GRIK4: variants seen among roughly 807,000 people sequenced by gnomAD.
GRIK4 encodes glutamate ionotropic receptor kainate type subunit 4.
Under a neutral mutation model 104.9 loss-of-function variants are expected in GRIK4, and 40 were observed. The ratio of observed to expected loss-of-function variants is 0.38; its 90% CI spans 0.30 to 0.50. GRIK4 has a LOEUF of 0.50. Among genes scored for constraint, GRIK4 ranks in the 20% least tolerant of loss-of-function variants. The pLI is 0.93. For missense variants in GRIK4, 1,047 were observed against 1,308.1 expected, an observed-to-expected ratio of 0.80 and a Z score of 3.08; for synonymous variants, 485 against 524.9, an observed-to-expected ratio of 0.92 and a Z score of 1.04.
chr11:120,917,135 T>A (rs547005280), intron 13 of GRIK4, among the ~76,000 whole-genome samples: 2 of 150,290 alleles, frequency 1.3e-5, no homozygotes, highest in Admixed American at 1.3e-4. Context: ...TAATCCCAGC[T>A]ACTCAGGAGG....
intron 3 of GRIK4, among the ~76,000 whole-genome samples, chr11:120,752,179 G>A (rs188126410): frequency 7.1e-4 from 108 of 152,270 alleles, no homozygotes; most frequent in African/African-American, 2.4e-3. Context: ...CAGGGCAACC[G>A]GGGCCTGCCC....
chr11:120,580,958 C>T (rs759001490), intron 1 of GRIK4, among the ~76,000 whole-genome samples: 3 of 152,142 alleles, frequency 2.0e-5, no homozygotes, highest in Non-Finnish European at 4.4e-5. Context: ...AATTTTGTTT[C>T]TCCGTTTTAT....
rs147161142 is a variant in GRIK4 at position 120,692,654 on chromosome 11, C to T, written c.82+32254C>T. The stretch of plus-strand genomic sequence containing the variant: ...CAAGGAGGACAGACAGTCGGGAAGA[C>T]GAGACTGGAGAGGAACCCAAACGAT... On this transcript the variant is annotated intron_variant, in intron 3 of 20. Transcript: ENST00000527524. Among the ~76,000 whole-genome samples the T allele has an allele frequency of 1.6e-3, 236 of 152,222 alleles. 1 individual carries two copies. Among genetic ancestry groups the T allele is most frequent in the Middle Eastern group, 6.8e-3 (2 of 294 alleles).
At chr11:120,663,754 C>T (rs549940884) in intron 3 of GRIK4, among the ~76,000 whole-genome samples, 19 of 152,282 alleles carry the variant, frequency 1.2e-4, no homozygotes, top group Non-Finnish European at 2.1e-4. Context: ...CTCTTCCTCC[C>T]GTTTCATCTT....
intron 13 of GRIK4, among the ~76,000 whole-genome samples, chr11:120,931,009 A>G (rs1943470670): frequency 6.6e-6 from 1 of 152,180 alleles, no homozygotes; most frequent in Non-Finnish European, 1.5e-5. Context: ...TATTCCAGGT[A>G]ATGTGTTTTG....
At chr11:120,728,572 G>A (rs978016808) in intron 3 of GRIK4, among the ~76,000 whole-genome samples, 8 of 152,102 alleles carry the variant, frequency 5.3e-5, no homozygotes, top group Admixed American at 5.2e-4. Flanking sequence ...GATGGTATAT[G>A]CAAAACATTT....
chr11:120,666,439 G>A (rs751920180), intron 3 of GRIK4, among the ~76,000 whole-genome samples: 4 of 152,214 alleles, frequency 2.6e-5, no homozygotes, highest in East Asian at 1.9e-4. Flanking sequence ...GTGTGGCGAC[G>A]CCTGGGGGCT....
At chr11:120,892,980 G>A (rs7103215) in intron 11 of GRIK4, among the ~76,000 whole-genome samples, 3,617 of 152,304 alleles carry the variant, frequency 0.024, 139 homozygotes, top group African/African-American at 0.08. Context: ...CAGACACTAC[G>A]AGAAAGCAGA....
At chr11:120,855,477 A>T (rs961420274) in intron 8 of GRIK4, among the ~76,000 whole-genome samples, 12 of 152,118 alleles carry the variant, frequency 7.9e-5, no homozygotes, top group African/African-American at 2.7e-4. Flanking sequence ...TCTTGTGATT[A>T]TTCATGGTTG....
chr11:120,646,832 T>G (rs1949550682), intron 1 of GRIK4, among the ~76,000 whole-genome samples: 1 of 152,204 alleles, frequency 6.6e-6, no homozygotes, highest in African/African-American at 2.4e-5. Flanking sequence ...AAACCTTCCT[T>G]AATTCTCACT....
intron 13 of GRIK4, among the ~76,000 whole-genome samples, chr11:120,923,108 C>T (rs901284343): frequency 2.0e-5 from 3 of 152,252 alleles, no homozygotes; most frequent in Non-Finnish European, 2.9e-5. Context: ...AACAGTGGGA[C>T]ACAGGTGGGA....
rs372497053 is a variant in GRIK4, at chr11:120,982,107, C to A, written c.2397C>A (p.Gly799=). The A allele has an allele frequency of 2.5e-5, 39 of 1,572,006 alleles. No individual in the cohort carries two copies. Among genetic ancestry groups the A allele is most frequent in the Non-Finnish European group, 3.3e-5 (38 of 1,141,788 alleles). ...CPKEEDHRAK[G]LGMENIGGIF... ...TCATTTGTTATCACTTTCTTACAGG[C>A]CTGGGAATGGAGAATATTGGTGGAA... Residue 799 remains glycine, a splice_region_variant and synonymous_variant, in exon 20 of 21, where the codon GGC becomes GGA. Coordinates refer to ENST00000527524, the MANE Select transcript of GRIK4 (RefSeq NM_014619.5).
At position 120,751,910 on chromosome 11, in the gene GRIK4, G is replaced by A. The variant is rs534313212; in HGVS notation, c.83-50783G>A. Among the ~76,000 whole-genome samples the A allele has an allele frequency of 2.0e-5, 3 of 152,240 alleles. No individual in the cohort carries two copies. In the South Asian group the frequency reaches 6.2e-4, roughly 32 times the overall value. On this transcript the variant is annotated intron_variant, in intron 3 of 20. Coordinates refer to ENST00000527524, the MANE Select transcript of GRIK4 (RefSeq NM_014619.5). The stretch of plus-strand genomic sequence containing the variant: ...CAAGGCTGCTGTGGTATGTCGGGAG[G>A]GGATCTCAGGAATCTGTACCACCAG...
At chr11:120,703,641 A>G (rs17124211) in intron 3 of GRIK4, among the ~76,000 whole-genome samples, 36,482 of 151,726 alleles carry the variant, frequency 0.24, 5,435 homozygotes, top group African/African-American at 0.42. Context: ...AATTTCCTTC[A>G]TGAAACTTCC....
At chr11:120,900,293 TG>T (rs1303941972) in intron 12 of GRIK4, among the ~76,000 whole-genome samples, 1 of 152,032 alleles carries the variant, frequency 6.6e-6, no homozygotes, top group Non-Finnish European at 1.5e-5. Context: ...GCCAGAAAAG[TG>T]GGTTGGGTCC....
chr11:120,699,720 A>G (rs1950519687), intron 3 of GRIK4, among the ~76,000 whole-genome samples: 1 of 152,168 alleles, frequency 6.6e-6, no homozygotes, highest in Non-Finnish European at 1.5e-5. Context: ...GTAAGTAAAG[A>G]CTTCAAGGAA....
chr11:120,748,658 G>A (rs537174110), intron 3 of GRIK4, among the ~76,000 whole-genome samples: 1 of 152,162 alleles, frequency 6.6e-6, no homozygotes, highest in South Asian at 2.1e-4. Context: ...ATGGCAAATG[G>A]CCTCCCCCTA....
rs907920881 is a variant in GRIK4 at position 120,903,798 on chromosome 11, C to G, written c.1273-1492C>G. On this transcript the variant is annotated intron_variant, in intron 12 of 20. Coordinates refer to ENST00000527524, the MANE Select transcript of GRIK4 (RefSeq NM_014619.5). The surrounding 1 kb of genome is among the most constrained non-coding windows in gnomAD (Gnocchi z 4.4). ...CCTAACCTGTCAAAATGCTGAACAG[C>G]CCTCACTCCTGTGGCACTCGCTCAG... 1.3e-5 allele frequency among the ~76,000 whole-genome samples: 2 copies of G among 152,166 alleles called. No homozygotes were observed. Among genetic ancestry groups the G allele is most frequent in the Admixed American group, 1.3e-4 (2 of 15,284 alleles).
intron 9 of GRIK4, chr11:120,873,325 C>G (rs1047482219): frequency 6.6e-6 from 1 of 152,518 alleles, no homozygotes; most frequent in Non-Finnish European, 1.5e-5. Context: ...CTTCAGTGCT[C>G]AGTTCCAATG....
Sources: allele counts gnomAD v4.1 joint callset (sites outside exome capture counted in the v4.1 genomes callset), GRCh38; gene constraint gnomAD v4.1.1; non-coding constraint Gnocchi (gnomAD v3.1); transcripts MANE v1.5; gene names NCBI Gene and HGNC (gene_info 2026-07-23, HGNC 2026-07-21).